CYTH3: variants seen among roughly 807,000 people sequenced by gnomAD.
CYTH3 encodes cytohesin 3, also known as cytohesin-3.
A neutral mutation model predicts 55.1 loss-of-function variants in CYTH3; 23 were observed. The observed-to-expected ratio is 0.42, with a 90% CI of 0.30 to 0.59. The LOEUF is 0.59. CYTH3 is among the 20% of genes least tolerant of loss of function. The pLI is 0.20. For missense variants in CYTH3, 413 were observed against 524.8 expected, an observed-to-expected ratio of 0.79 and a Z score of 2.08; for synonymous variants, 249 against 194.9, an observed-to-expected ratio of 1.28 and a Z score of -2.31.
intron 1 of CYTH3, among the ~76,000 whole-genome samples, chr7:6,223,836 T>TAAAAAAAAAAA (rs58813864): frequency 1.2e-4 from 3 of 24,310 alleles, no homozygotes; most frequent in Non-Finnish European, 1.8e-4. Context: ...CAATAAATAC[T>TAAAAAAAAAAA]AAAAAAAAAA....
intron 1 of CYTH3, among the ~76,000 whole-genome samples, chr7:6,271,436 GTTCTGATGA>G (rs1430250624): frequency 6.6e-6 from 1 of 151,810 alleles, no homozygotes; most frequent in Non-Finnish European, 1.5e-5. Context: ...ATTACATGGG[GTTCTGATGA>G]TTCTGATGAT....
chr7:6,205,847 C>G (rs1469502545), intron 1 of CYTH3, among the ~76,000 whole-genome samples: 1 of 123,150 alleles, frequency 8.1e-6, no homozygotes, highest in Admixed American at 1.0e-4. Context: ...GCACTCTAAC[C>G]TGGGTGACAG....
chr7:6,236,016 G>A (rs1280038868), intron 1 of CYTH3, among the ~76,000 whole-genome samples: 3 of 152,052 alleles, frequency 2.0e-5, no homozygotes, highest in African/African-American at 4.8e-5. Context: ...GCCAATTCAC[G>A]AAGTCACACA....
chr7:6,171,146 C>T lies in CYTH3; in HGVS notation c.562+56G>A. 1 of 1,604,260 alleles carries T rather than the reference C, an allele frequency of 6.2e-7. No homozygotes were observed. Among genetic ancestry groups the T allele is most frequent in the Non-Finnish European group, 8.5e-7 (1 of 1,171,936 alleles). ...GGGCTGTGCCCACAGGGGCCGCCCC[C>T]TCCAGAGCTGGAGGCTGTGCCTGGC... On this transcript the variant is annotated intron_variant, in intron 7 of 12. Transcript: ENST00000350796. This position sits in a 1 kb window ranked among gnomAD's most constrained non-coding sequence, Gnocchi z 6.7.
rs200878912 is a variant in CYTH3, at chr7:6,179,676, CCACA to C, written c.250-1739_250-1736del. 6.9e-3 allele frequency among the ~76,000 whole-genome samples: 654 copies of C among 95,146 alleles called. 16 individuals are homozygous for C. The highest frequency in any genetic ancestry group is 0.032 in the African/African-American group (623 of 19,712). 62.4% of individuals were successfully genotyped at this position (95,146 alleles called of 152,430 possible). On this transcript the variant is annotated intron_variant, in intron 4 of 12. Coordinates refer to ENST00000350796, the MANE Select transcript of CYTH3 (RefSeq NM_004227.4). ...ACCCCACACACACCCCACACACACACCACACACACCCCCCCACACACACACCCCA... is the reference window on the plus strand; with the variant it reads ...ACCCCACACACACCCCACACACACACCACACCCCCCCACACACACACCCCA...
At chr7:6,187,007 AG>A in intron 4 of CYTH3, 42 bp downstream of exon 4, 1 of 1,582,220 alleles carries the variant, frequency 6.3e-7, no homozygotes, top group Non-Finnish European at 8.7e-7. Context: ...CAAATCAATT[AG>A]TCCATCTCCT....
At chr7:6,271,427 T>C (rs980229751) in intron 1 of CYTH3, among the ~76,000 whole-genome samples, 6 of 152,040 alleles carry the variant, frequency 3.9e-5, no homozygotes, top group African/African-American at 9.7e-5. Flanking sequence ...TGCTCCCTTA[T>C]TACATGGGGT....
chr7:6,270,435 TA>T (rs1201234320), intron 1 of CYTH3, among the ~76,000 whole-genome samples: 3 of 152,230 alleles, frequency 2.0e-5, no homozygotes, highest in Non-Finnish European at 4.4e-5. Context: ...TGAGATGAAT[TA>T]AATGATACAC....
At chr7:6,221,467 G>A (rs1358798933) in intron 1 of CYTH3, among the ~76,000 whole-genome samples, 5 of 152,178 alleles carry the variant, frequency 3.3e-5, no homozygotes, top group Admixed American at 2.0e-4. Flanking sequence ...ATAACTTTGT[G>A]GTGATGGAAC....
At chr7:6,204,561 G>C (rs1784141642) in intron 1 of CYTH3, among the ~76,000 whole-genome samples, 1 of 152,196 alleles carries the variant, frequency 6.6e-6, no homozygotes, top group African/African-American at 2.4e-5. Flanking sequence ...TAGGAATTGA[G>C]AGTTCATTCC....
intron 1 of CYTH3, among the ~76,000 whole-genome samples, chr7:6,238,924 T>A (rs1003413308): frequency 6.1e-5 from 9 of 148,226 alleles, no homozygotes; most frequent in African/African-American, 1.6e-4. Flanking sequence ...ATAATAATAA[T>A]AAAAAAAAGC....
At chr7:6,248,407 G>A (rs973654843) in intron 1 of CYTH3, among the ~76,000 whole-genome samples, 1 of 152,136 alleles carries the variant, frequency 6.6e-6, no homozygotes, top group Non-Finnish European at 1.5e-5. Flanking sequence ...TCAAGGGAAC[G>A]TCAGCTCTGG....
Position 6,249,422 on chromosome 7 carries a change from AG to A in CYTH3, c.34+23051del, listed in dbSNP as rs563602572. Among the ~76,000 whole-genome samples, 602 of 152,366 alleles carry A rather than the reference AG, an allele frequency of 4.0e-3. 3 individuals carry two copies. Among genetic ancestry groups the A allele is most frequent in the Middle Eastern group, 0.017 (5 of 292 alleles). On this transcript the variant is annotated intron_variant, in intron 1 of 12. Transcript: ENST00000350796. The stretch of plus-strand genomic sequence containing the variant: ...AATGCTGTAGACTCCTCAAAACAAG[AG>A]GAACAGGAAAGGACAGAGAAGAGTG...
intron 1 of CYTH3, among the ~76,000 whole-genome samples, chr7:6,193,054 C>T (rs1174090327): frequency 1.3e-5 from 2 of 149,928 alleles, no homozygotes; most frequent in Non-Finnish European, 3.0e-5. Context: ...CGCCTGTAAT[C>T]CCAGTTACTG....
At chr7:6,264,248 A>T (rs531636384) in intron 1 of CYTH3, among the ~76,000 whole-genome samples, 1 of 152,008 alleles carries the variant, frequency 6.6e-6, no homozygotes, top group Non-Finnish European at 1.5e-5. Context: ...ACTCCGTCTC[A>T]AAAGAAAAAA....
At position 6,172,782 on chromosome 7, in the gene CYTH3, A is replaced by C. The variant is rs769546795; in HGVS notation, c.449+871T>G. 4.7e-6 allele frequency: 6 copies of C among 1,278,010 alleles called. No individual in the cohort carries two copies. In the South Asian group the frequency reaches 5.0e-5, roughly 11 times the overall value. The allele number at this position is 1,278,010 out of a possible 1,614,324, so 79.2% of individuals were successfully genotyped here. ...CAGCTTCCAGAAACGCAATCTGATA[A>C]GCCTGAACTGCGGCTGCAGGATTCT... On this transcript the variant is annotated intron_variant, in intron 6 of 12. Transcript: ENST00000350796.
intron 1 of CYTH3, among the ~76,000 whole-genome samples, chr7:6,205,213 A>G (rs554345161): frequency 1.9e-4 from 29 of 152,290 alleles, no homozygotes; most frequent in African/African-American, 6.3e-4. Context: ...TTGTTTGGAA[A>G]TTAAATTAAG....
intron 1 of CYTH3, among the ~76,000 whole-genome samples, chr7:6,193,121 G>C (rs934320041): frequency 1.3e-5 from 2 of 151,952 alleles, no homozygotes; most frequent in Non-Finnish European, 2.9e-5. Flanking sequence ...GCAGTGAGCC[G>C]AGATCCCACC....
chr7:6,235,201 C>T (rs966585558), intron 1 of CYTH3, among the ~76,000 whole-genome samples: 1 of 152,312 alleles, frequency 6.6e-6, no homozygotes. Flanking sequence ...GTGGGCCAGG[C>T]GTAGTGGCTC....
Sources: allele counts gnomAD v4.1 joint callset (sites outside exome capture counted in the v4.1 genomes callset), GRCh38; gene constraint gnomAD v4.1.1; non-coding constraint Gnocchi (gnomAD v3.1); transcripts MANE v1.5; gene names NCBI Gene and HGNC (gene_info 2026-07-23, HGNC 2026-07-21).